HIVEP1: variants seen among roughly 807,000 people sequenced by gnomAD.
HIVEP1 encodes zinc finger protein 40.
HIVEP1 carries 36 observed loss-of-function variants against 180.0 expected under a neutral mutation model. That is an observed-to-expected ratio of 0.20 (90% CI 0.15 to 0.26). The LOEUF is 0.26. Ranked by LOEUF, HIVEP1 falls within the 10% of genes least tolerant of loss-of-function variation. HIVEP1 has a pLI of 1.00. For missense variants in HIVEP1, 3,143 were observed against 3,268.7 expected, an observed-to-expected ratio of 0.96 and a Z score of 0.94; for synonymous variants, 1,239 against 1,239.0, an observed-to-expected ratio of 1.00 and a Z score of 0.00.
At chr6:12,055,075 T>C (rs1211428882) in intron 2 of HIVEP1, among the ~76,000 whole-genome samples, 1 of 152,236 alleles carries the variant, frequency 6.6e-6, no homozygotes, top group Non-Finnish European at 1.5e-5. Context: ...TACTAAGTAA[T>C]TAATACATTA....
Position 12,161,672 on chromosome 6 carries a change from G to A in HIVEP1, c.6721G>A (p.Val2241Ile). 1.2e-6 allele frequency: 2 copies of A among 1,614,156 alleles called. No homozygotes were observed. Among genetic ancestry groups the A allele is most frequent in the East Asian group, 2.2e-5 (1 of 44,866 alleles). The change falls in exon 8 of 9, where the codon GTA becomes ATA. Residue 2241 changes from valine (V) to isoleucine (I), a missense_variant. This residue lies in a region of HIVEP1 where 595 missense variants were observed against 602.2 expected (regional missense o/e 0.99). Transcript: ENST00000379388. ...CAGGATCACCGATTGCTTTTCTGGG[G>A]TACACACGGACCCAATGGACGTTCT... ...DVRITDCFSGVHTDPMDVLPR... is the reference protein window; with the variant it reads ...DVRITDCFSGIHTDPMDVLPR...
At chr6:12,162,259 T>A (rs1178457188) in intron 8 of HIVEP1, among the ~76,000 whole-genome samples, 2 of 149,942 alleles carry the variant, frequency 1.3e-5, no homozygotes, top group African/African-American at 4.9e-5. Context: ...CGAACACAAG[T>A]CCCGCAACTG....
chr6:12,133,317 A>G (rs1758529958), intron 6 of HIVEP1, among the ~76,000 whole-genome samples: 1 of 152,222 alleles, frequency 6.6e-6, no homozygotes. Flanking sequence ...AGTCTCATTT[A>G]TATCACAGAA....
chr6:12,080,200 A>G (rs1407055974), intron 2 of HIVEP1, among the ~76,000 whole-genome samples: 1 of 152,162 alleles, frequency 6.6e-6, no homozygotes. Context: ...TTGGACTTTT[A>G]GCTCGGCCCC....
At chr6:12,022,380 CAGGCT>C (rs1046196159) in intron 2 of HIVEP1, among the ~76,000 whole-genome samples, 4 of 152,036 alleles carry the variant, frequency 2.6e-5, no homozygotes, top group African/African-American at 9.7e-5. Flanking sequence ...CCATTTTGGC[CAGGCT>C]GGTCTTGAAC....
intron 2 of HIVEP1, among the ~76,000 whole-genome samples, chr6:12,072,480 A>C (rs1772039850): frequency 6.6e-6 from 1 of 151,848 alleles, no homozygotes; most frequent in African/African-American, 2.4e-5. Context: ...AGTATCCTTT[A>C]GAGTCATCTT....
At chr6:12,023,487 CAA>C (rs1182479911) in intron 2 of HIVEP1, among the ~76,000 whole-genome samples, 1 of 151,970 alleles carries the variant, frequency 6.6e-6, no homozygotes, top group Non-Finnish European at 1.5e-5. Context: ...AAAACAAAAA[CAA>C]AAGAAATTCT....
chr6:12,157,665 TA>T (rs1426932970), intron 7 of HIVEP1, among the ~76,000 whole-genome samples: 1 of 152,132 alleles, frequency 6.6e-6, no homozygotes, highest in Non-Finnish European at 1.5e-5. Context: ...TTAGAGCAAT[TA>T]AAAAATAAGA....
At chr6:12,129,513 T>G in intron 4 of HIVEP1, 1 of 581,324 alleles carries the variant, frequency 1.7e-6, no homozygotes, top group Non-Finnish European at 3.2e-6. Flanking sequence ...TGTAAAGCCT[T>G]TATTTGGGGG....
intron 2 of HIVEP1, among the ~76,000 whole-genome samples, chr6:12,026,572 T>C (rs1237240635): frequency 6.6e-6 from 1 of 152,234 alleles, no homozygotes; most frequent in Admixed American, 6.5e-5. Flanking sequence ...TTAATGTGTT[T>C]GGTTTCTGTT....
At chr6:12,083,430 G>A (rs1469260775) in intron 2 of HIVEP1, among the ~76,000 whole-genome samples, 1 of 152,138 alleles carries the variant, frequency 6.6e-6, no homozygotes, top group Non-Finnish European at 1.5e-5. Context: ...ACAACTGTGT[G>A]TCAAGGGTCT....
chr6:12,163,349 C>A lies in HIVEP1; in HGVS notation c.7045C>A (p.Pro2349Thr), dbSNP rs767151653. 1 of 1,614,184 alleles carries A rather than the reference C, an allele frequency of 6.2e-7. No homozygotes were observed. Among genetic ancestry groups the A allele is most frequent in the African/African-American group, 1.3e-5 (1 of 75,036 alleles). ...CAGCCCCCAGACAGCAGCGGGGATG[C>A]CTTCTGTGGCCTCACCACATCCTGA... ...EHSPQTAAGM[P>T]SVASPHPDPQ... Residue 2349 changes from proline to threonine, a missense_variant, in exon 9 of 9, where the codon CCT becomes ACT. Pro to Thr is a conservative substitution (Grantham distance 38). Coordinates refer to ENST00000379388, the MANE Select transcript of HIVEP1 (RefSeq NM_002114.4).
Position 12,164,563 on chromosome 6 carries a change from C to A in HIVEP1, c.*102C>A. 3.4e-6 allele frequency: 3 copies of A among 884,988 alleles called. No homozygotes were observed. The highest frequency in any genetic ancestry group is 1.7e-6 in the Non-Finnish European group (1 of 597,494). 54.8% of individuals were successfully genotyped at this position (884,988 alleles called of 1,614,324 possible). A position where few individuals can be genotyped will look rare whatever the true frequency, so the allele number is the denominator to read the frequency against. ...ACATTTTTCTGACATAAACTCATGA[C>A]TAATCTTTGTGCAATCATGAACTTT... On this transcript the variant is annotated 3_prime_UTR_variant, in exon 9 of 9. Transcript: ENST00000379388.
At chr6:12,199,430 C>T in the HIVEP1 span, among the ~76,000 whole-genome samples, 6 of 139,894 alleles carry the variant, frequency 4.3e-5, no homozygotes, top group African/African-American at 1.4e-4. Flanking sequence ...GGCGTGATCT[C>T]GGCTTACCGC....
chr6:12,143,617 G>C (rs1328979245), intron 7 of HIVEP1, among the ~76,000 whole-genome samples: 1 of 152,196 alleles, frequency 6.6e-6, no homozygotes, highest in Non-Finnish European at 1.5e-5. Flanking sequence ...CAGATGACAT[G>C]ATTGTATATT....
chr6:12,115,377 T>TTTTA (rs398000485), intron 3 of HIVEP1, among the ~76,000 whole-genome samples: 1 of 125,774 alleles, frequency 8.0e-6, no homozygotes, highest in East Asian at 2.3e-4. Flanking sequence ...TTTTTTTTTT[T>TTTTA]AACAAAGTGG....
intron 1 of HIVEP1, among the ~76,000 whole-genome samples, chr6:12,013,377 A>G (rs185507823): frequency 2.4e-3 from 361 of 152,312 alleles, no homozygotes; most frequent in African/African-American, 8.1e-3. Flanking sequence ...TCTTTCCCGT[A>G]AAGGAACGGT....
the HIVEP1 span, among the ~76,000 whole-genome samples, chr6:12,198,217 G>C: frequency 5.3e-5 from 8 of 152,256 alleles, no homozygotes; most frequent in Non-Finnish European, 8.8e-5. Flanking sequence ...GATATCATCA[G>C]TATATCATGG....
At chr6:12,095,223 T>C (rs1773716425) in intron 3 of HIVEP1, among the ~76,000 whole-genome samples, 1 of 152,112 alleles carries the variant, frequency 6.6e-6, no homozygotes, top group Admixed American at 6.5e-5. Flanking sequence ...CATGATACTT[T>C]CTTGCCTCAT....
Sources: gnomAD v4.1 joint callset for allele counts (sites outside exome capture counted in the v4.1 genomes callset) on GRCh38, gnomAD v4.1.1 for gene constraint, gnomAD v4.1.1 regional missense constraint, MANE v1.5 for transcripts, NCBI Gene and HGNC (gene_info 2026-07-23, HGNC 2026-07-21) for gene names.